The following RCL1 variants were observed in gnomAD, a reference collection of about 807,000 sequenced individuals.
The protein encoded by RCL1 is RNA terminal phosphate cyclase like 1, also known as RNA 3'-terminal phosphate cyclase-like protein.
In RCL1, 24 loss-of-function variants were observed where a neutral mutation model predicts 42.4. The ratio of observed to expected loss-of-function variants is 0.57; its 90% CI spans 0.41 to 0.80. The LOEUF is 0.80. Among genes scored for constraint, RCL1 ranks in the 30% least tolerant of loss-of-function variants. The pLI is 0.00. For missense variants in RCL1, 578 were observed against 467.9 expected (o/e 1.24, Z -2.17); for synonymous variants, 228 against 177.3 (o/e 1.29, Z -2.27).
At position 4,792,968 on chromosome 9, in the gene RCL1, G is replaced by A. The variant is rs1842851941; in HGVS notation, c.-124G>A. On this transcript the variant is annotated 5_prime_UTR_variant, in exon 1 of 9. Transcript: ENST00000381750. ...CAAACCACGTGGACGCGTCTGGGCT[G>A]CTGGAGGCAGCCCGAGCCGCCGCCG... is the stretch of plus-strand genomic sequence containing the variant. 6 of 1,086,328 alleles carry A rather than the reference G, an allele frequency of 5.5e-6. No homozygotes were observed. In the Admixed American group the frequency reaches 1.3e-4, roughly 24 times the overall value. The allele number at this position is 1,086,328 out of a possible 1,614,324, so 67.3% of individuals were successfully genotyped here.
At chr9:4,797,957 A>C (rs1320701288) in intron 1 of RCL1, among the ~76,000 whole-genome samples, 2 of 152,042 alleles carry the variant, frequency 1.3e-5, no homozygotes, top group Admixed American at 1.3e-4. Flanking sequence ...AGGAACATGA[A>C]CAATTAAGTT....
chr9:4,847,898 C>T (rs948775446), intron 7 of RCL1, among the ~76,000 whole-genome samples: 5 of 152,212 alleles, frequency 3.3e-5, no homozygotes, highest in African/African-American at 1.2e-4. Context: ...CCCTGCTCAT[C>T]TCTCAAGGGC....
intron 8 of RCL1, chr9:4,850,242 C>T (rs1817685796): frequency 1.9e-6 from 1 of 512,992 alleles, no homozygotes; most frequent in Non-Finnish European, 4.1e-6. Context: ...TCATATGGCC[C>T]ATCTGAGGTT....
intron 1 of RCL1, among the ~76,000 whole-genome samples, chr9:4,821,601 G>T (rs1816597957): frequency 6.6e-6 from 1 of 152,142 alleles, no homozygotes; most frequent in African/African-American, 2.4e-5. Context: ...GAAAGTGGAA[G>T]AGCAAGAGAG....
chr9:4,814,837 CT>C (rs796615503), intron 1 of RCL1, among the ~76,000 whole-genome samples: 11 of 151,578 alleles, frequency 7.3e-5, no homozygotes, highest in African/African-American at 2.7e-4. Flanking sequence ...TCAGTTTTTG[CT>C]TGTCTGGGAA....
intron 2 of RCL1, among the ~76,000 whole-genome samples, chr9:4,824,725 C>T (rs1250184349): frequency 1.3e-5 from 2 of 152,160 alleles, no homozygotes; most frequent in African/African-American, 4.8e-5. Flanking sequence ...TCCTATACCA[C>T]ATGAGATATT....
At chr9:4,799,305 A>G (rs138172893) in intron 1 of RCL1, among the ~76,000 whole-genome samples, 69 of 152,052 alleles carry the variant, frequency 4.5e-4, no homozygotes, top group African/African-American at 1.3e-3. Flanking sequence ...ACTATCTACC[A>G]TCTTTTTTAA....
At position 4,792,972 on chromosome 9, in the gene RCL1, G is replaced by C. The variant is rs958169979; in HGVS notation, c.-120G>C. ...CCACGTGGACGCGTCTGGGCTGCTG[G>C]AGGCAGCCCGAGCCGCCGCCGTCGG... On this transcript the variant is annotated 5_prime_UTR_variant, in exon 1 of 9. Coordinates refer to ENST00000381750, the MANE Select transcript of RCL1 (RefSeq NM_005772.5). The C allele has an allele frequency of 8.9e-7, 1 of 1,127,076 alleles. No homozygotes were observed. Among genetic ancestry groups the C allele is most frequent in the Non-Finnish European group, 1.2e-6 (1 of 808,530 alleles). 69.8% of individuals were successfully genotyped at this position (1,127,076 alleles called of 1,614,324 possible).
rs183920267 is a variant in RCL1, at chr9:4,828,974, C to T, written c.384+1941C>T. 1.9e-4 allele frequency among the ~76,000 whole-genome samples: 29 copies of T among 152,290 alleles called. No homozygotes were observed. The East Asian group carries it at 4.4e-3, about 23-fold the overall frequency. On this transcript the variant is annotated intron_variant, in intron 3 of 8. Coordinates refer to ENST00000381750, the MANE Select transcript of RCL1 (RefSeq NM_005772.5). ...GTGACTTCTTCAGCTCATTCCATGG[C>T]TCCTTCATTTCTAGCTTCTTCTTTT...
chr9:4,814,453 G>C lies in RCL1; in HGVS notation c.137-9095G>C, dbSNP rs1028735724. 3.3e-5 allele frequency among the ~76,000 whole-genome samples: 5 copies of C among 152,020 alleles called. No homozygotes were observed. The East Asian group carries it at 9.6e-4, about 29-fold the overall frequency. On this transcript the variant is annotated intron_variant, in intron 1 of 8. Transcript: ENST00000381750. ...GCCCGGCTTTTGTATTTTTTGTAGA[G>C]ATGGCGGTCTCGCTTTGTTGCCCAG...
At chr9:4,833,692 A>G (rs183384406) in intron 4 of RCL1, among the ~76,000 whole-genome samples, 12 of 152,360 alleles carry the variant, frequency 7.9e-5, no homozygotes, top group Middle Eastern at 3.4e-3. Flanking sequence ...AATTATATCA[A>G]TCCAATGTGG....
intron 1 of RCL1, among the ~76,000 whole-genome samples, chr9:4,805,888 A>G (rs1014473940): frequency 3.3e-5 from 5 of 152,208 alleles, no homozygotes; most frequent in Non-Finnish European, 7.3e-5. Flanking sequence ...TTTTCAGCAT[A>G]CAAGTACAGT....
chr9:4,814,649 A>C (rs1468313671), intron 1 of RCL1, among the ~76,000 whole-genome samples: 2 of 151,732 alleles, frequency 1.3e-5, no homozygotes. Flanking sequence ...TTGCAGTTTG[A>C]TGGTTTTCTA....
At chr9:4,809,265 A>C (rs1301243330) in intron 1 of RCL1, among the ~76,000 whole-genome samples, 2 of 152,122 alleles carry the variant, frequency 1.3e-5, no homozygotes, top group African/African-American at 4.8e-5. Context: ...CTGTTTCCAT[A>C]GGTAGAGTCA....
chr9:4,811,483 T>A (rs1359752431), intron 1 of RCL1, among the ~76,000 whole-genome samples: 7 of 152,130 alleles, frequency 4.6e-5, no homozygotes, highest in Non-Finnish European at 7.4e-5. Flanking sequence ...TGCTATGGGA[T>A]CAACTTTTTT....
intron 7 of RCL1, among the ~76,000 whole-genome samples, chr9:4,845,594 G>C (rs1291924951): frequency 6.6e-6 from 1 of 152,210 alleles, no homozygotes; most frequent in Non-Finnish European, 1.5e-5. Flanking sequence ...GGTTAGAAGA[G>C]GGTCACAAAT....
intron 5 of RCL1, among the ~76,000 whole-genome samples, chr9:4,836,455 G>GAGACA (rs1817134393): frequency 1.3e-5 from 2 of 152,190 alleles, no homozygotes; most frequent in African/African-American, 4.8e-5. Context: ...TACATGTACT[G>GAGACA]TGTAGGACAA....
At chr9:4,830,513 T>G (rs1056460858) in intron 3 of RCL1, among the ~76,000 whole-genome samples, 3 of 151,988 alleles carry the variant, frequency 2.0e-5, no homozygotes, top group Non-Finnish European at 4.4e-5. Flanking sequence ...TAAAGAGAAG[T>G]TTTAGAAGGT....
In RCL1 at chr9:4,806,587, T is replaced by TACACACAC. The variant is rs71326137; in HGVS notation, c.136+13400_136+13407dup. Among the ~76,000 whole-genome samples the TACACACAC allele has an allele frequency of 3.9e-3, 526 of 135,748 alleles. 4 individuals carry two copies. The highest frequency in any genetic ancestry group is 0.011 in the African/African-American group (393 of 35,382). The allele number at this position is 135,748 out of a possible 152,430, so 89.1% of individuals were successfully genotyped here. ...TTCCTGGAATAGATTCTACTTGATC[T>TACACACAC]ACACACACACACACACACACACACA... On this transcript the variant is annotated intron_variant, in intron 1 of 8. Coordinates refer to ENST00000381750, the MANE Select transcript of RCL1 (RefSeq NM_005772.5).
Sources: allele counts gnomAD v4.1 joint callset (sites outside exome capture counted in the v4.1 genomes callset), GRCh38; gene constraint gnomAD v4.1.1; transcripts MANE v1.5; gene names NCBI Gene and HGNC (gene_info 2026-07-23, HGNC 2026-07-21).